Variants in ANLN observed in about 807,000 individuals in gnomAD.
ANLN encodes anillin, actin binding protein, also known as anillin.
ANLN carries 59 observed loss-of-function variants against 135.1 expected under a neutral mutation model. That is an observed-to-expected ratio of 0.44 (90% CI 0.35 to 0.54). The LOEUF (loss-of-function observed/expected upper bound fraction) is 0.54, where lower values mean the gene tolerates loss of function less well. Among genes scored for constraint, ANLN ranks in the 20% least tolerant of loss-of-function variants. The pLI is 0.00. For synonymous variants in ANLN, 406 were observed against 456.4 expected (o/e 0.89, Z 1.41); for missense variants, 1,182 against 1,340.0 (o/e 0.88, Z 1.84).
intron 8 of ANLN, 102 bp downstream of exon 8, chr7:36,415,986 CG>C: frequency 1.9e-6 from 2 of 1,057,214 alleles, no homozygotes; most frequent in South Asian, 3.8e-5. Context: ...TTTGTTCTAA[CG>C]TTTTTTGGGG....
At chr7:36,429,626 C>A (rs1386410397) in intron 20 of ANLN, among the ~76,000 whole-genome samples, 2 of 152,016 alleles carry the variant, frequency 1.3e-5, no homozygotes, top group South Asian at 2.1e-4. Context: ...ATTTTAAATT[C>A]TTAAAATAGG....
chr7:36,405,401 C>T (rs1257524335), intron 3 of ANLN, among the ~76,000 whole-genome samples: 3 of 152,134 alleles, frequency 2.0e-5, no homozygotes, highest in Admixed American at 6.5e-5. Flanking sequence ...GGGCTTATTT[C>T]GAGCAAGATC....
chr7:36,442,584 C>G (rs988394511), intron 21 of ANLN, among the ~76,000 whole-genome samples: 1 of 151,982 alleles, frequency 6.6e-6, no homozygotes, highest in Non-Finnish European at 1.5e-5. Flanking sequence ...TTCTTTAACA[C>G]AGAAGTTCCC....
At chr7:36,392,846 A>T (rs75305475) in intron 1 of ANLN, among the ~76,000 whole-genome samples, 3,124 of 152,144 alleles carry the variant, frequency 0.021, 51 homozygotes, top group Middle Eastern at 0.051. Context: ...GTTGTGACCT[A>T]CTGCTCATGG....
At chr7:36,447,627 C>T (rs151111441) in intron 22 of ANLN, among the ~76,000 whole-genome samples, 63 of 151,936 alleles carry the variant, frequency 4.1e-4, no homozygotes, top group African/African-American at 1.4e-3. Flanking sequence ...GGGGTTTCAC[C>T]GTGTTAGCCA....
At chr7:36,411,199 G>C (rs765736154) in intron 7 of ANLN, 33 bp downstream of exon 7, 5 of 1,541,430 alleles carry the variant, frequency 3.2e-6, no homozygotes, top group South Asian at 1.2e-5. Context: ...AAACGAACTT[G>C]GTCCCCAAAT....
intron 20 of ANLN, among the ~76,000 whole-genome samples, chr7:36,436,677 C>T (rs1299334776): frequency 6.6e-6 from 1 of 152,118 alleles, no homozygotes; most frequent in East Asian, 1.9e-4. Context: ...GAAGTGGTTC[C>T]TCATTGTAGG....
chr7:36,390,006 C>G lies in ANLN; in HGVS notation c.-21C>G. On this transcript the variant is annotated 5_prime_UTR_variant, in exon 1 of 24. Coordinates refer to ENST00000265748, the MANE Select transcript of ANLN (RefSeq NM_018685.5). ...ATTTGAACCACCGTTTCCATCGTCT[C>G]GTAGTCCGACGCCTGGGGCGATGGA... The G allele has an allele frequency of 6.2e-7, 1 of 1,614,102 alleles. No individual in the cohort carries two copies. Among genetic ancestry groups the G allele is most frequent in the Non-Finnish European group, 8.5e-7 (1 of 1,179,968 alleles).
At chr7:36,429,371 C>G (rs373045346) in intron 20 of ANLN, among the ~76,000 whole-genome samples, 1 of 151,970 alleles carries the variant, frequency 6.6e-6, no homozygotes, top group Non-Finnish European at 1.5e-5. Context: ...CAGGCGTGCA[C>G]CACCATGCCC....
intron 1 of ANLN, among the ~76,000 whole-genome samples, chr7:36,392,537 C>A (rs1786522750): frequency 7.1e-6 from 1 of 140,506 alleles, no homozygotes; most frequent in African/African-American, 2.7e-5. Context: ...TTAATGCCTA[C>A]ACTGTTTGAG....
In ANLN at chr7:36,431,617, A is replaced by ATATATATATAT. The variant is rs141380630; in HGVS notation, c.2883+4589_2883+4590insTATATATATAT. Among the ~76,000 whole-genome samples, 402 of 67,252 alleles carry ATATATATATAT rather than the reference A, an allele frequency of 6.0e-3. 17 individuals carry two copies. Among genetic ancestry groups the ATATATATATAT allele is most frequent in the African/African-American group, 0.014 (231 of 17,060 alleles). 44.1% of individuals were successfully genotyped at this position (67,252 alleles called of 152,430 possible). A position where few individuals can be genotyped will look rare whatever the true frequency, so the allele number is the denominator to read the frequency against. On this transcript the variant is annotated intron_variant, in intron 20 of 23. Transcript: ENST00000265748. ...TGTGTGTATATATATATATATATAT[A>ATATATATATAT]ATATATATATATATATTACCATTTT...
In ANLN at chr7:36,390,035, G is replaced by C. The variant is rs372625290; in HGVS notation, c.9G>C (p.Pro3=). The C allele has an allele frequency of 1.2e-4, 200 of 1,613,886 alleles. No individual in the cohort carries two copies. Among genetic ancestry groups the C allele is most frequent in the Non-Finnish European group, 1.7e-4 (195 of 1,179,976 alleles). The change falls in exon 1 of 24, where the codon CCG becomes CCC. Residue 3 remains proline, a synonymous_variant. Transcript: ENST00000265748. MD[P]FTEKLLERTR... is the part of the protein sequence containing the mutation. ...GTCCGACGCCTGGGGCGATGGATCC[G>C]TTTACGGAGGTGAGTGAGTTTGCGG...
chr7:36,427,878 G>C (rs1172732628), intron 20 of ANLN, among the ~76,000 whole-genome samples: 1 of 151,898 alleles, frequency 6.6e-6, no homozygotes, highest in Admixed American at 6.6e-5. Context: ...ACAACTAGAG[G>C]CAAATTTTAT....
intron 20 of ANLN, among the ~76,000 whole-genome samples, chr7:36,436,031 A>G (rs1322769459): frequency 1.3e-5 from 2 of 152,252 alleles, no homozygotes; most frequent in Admixed American, 6.5e-5. Flanking sequence ...TACATTCACA[A>G]TGTTGTTCAA....
intron 21 of ANLN, 97 bp from the exon 22 acceptor site, chr7:36,443,658 A>G (rs371427388): frequency 7.1e-5 from 48 of 678,814 alleles, no homozygotes; most frequent in African/African-American, 4.2e-4. Flanking sequence ...GATATGAAAT[A>G]TGTCAACATA....
rs778547995 is a variant in ANLN at position 36,410,487 on chromosome 7, C to G, written c.1097-27C>G. 5.8e-6 allele frequency: 9 copies of G among 1,540,206 alleles called. No individual in the cohort carries two copies. The East Asian group carries it at 1.8e-4, about 31-fold the overall frequency. On this transcript the variant is annotated intron_variant, in intron 5 of 23. Transcript: ENST00000265748. ...GTAATAATTTTTTATTTTGAATAGC[C>G]TCCAAAAATGTGTGTGTTTTCTGTA...
intron 22 of ANLN, among the ~76,000 whole-genome samples, chr7:36,447,540 T>A (rs974442872): frequency 6.7e-6 from 1 of 149,872 alleles, no homozygotes; most frequent in Admixed American, 6.7e-5. Context: ...TTCTCCTGCC[T>A]TAGCCTCCCG....
At chr7:36,429,323 C>G (rs1438897357) in intron 20 of ANLN, among the ~76,000 whole-genome samples, 1 of 152,030 alleles carries the variant, frequency 6.6e-6, no homozygotes, top group East Asian at 1.9e-4. Context: ...CAGGTTCAAG[C>G]AATTCTCATG....
intron 1 of ANLN, among the ~76,000 whole-genome samples, chr7:36,392,633 C>A (rs145693820): frequency 4.6e-5 from 7 of 150,582 alleles, no homozygotes; most frequent in Non-Finnish European, 1.0e-4. Flanking sequence ...CGGCTACTTA[C>A]ATTTATTGAG....
Sources: allele counts gnomAD v4.1 joint callset (sites outside exome capture counted in the v4.1 genomes callset), GRCh38; gene constraint gnomAD v4.1.1; transcripts MANE v1.5; gene names NCBI Gene and HGNC (gene_info 2026-07-23, HGNC 2026-07-21).